Variants in LOC131768270 observed in about 807,000 individuals in gnomAD.
the LOC131768270 span, chr5:140,567,240 TC>T: frequency 6.2e-7 from 1 of 1,614,176 alleles, no homozygotes; most frequent in Non-Finnish European, 8.5e-7. Flanking sequence ...CTGATGCTAC[TC>T]CTATCCACTG....
the LOC131768270 span, chr5:140,567,437 G>A: frequency 1.3e-4 from 204 of 1,614,090 alleles, 4 homozygotes; most frequent in South Asian, 2.0e-3. Context: ...TGCTCCCTTC[G>A]CACTATCAGC....
chr5:140,568,888 T>C, the LOC131768270 span: 1 of 167,096 alleles, frequency 6.0e-6, no homozygotes, highest in Non-Finnish European at 1.5e-5. Context: ...CTACCCACTC[T>C]GAGGCTCCTA....
chr5:140,568,041 C>G, the LOC131768270 span: 4 of 1,614,026 alleles, frequency 2.5e-6, no homozygotes, highest in Non-Finnish European at 3.4e-6. Context: ...GTGGTCAACG[C>G]CGTGCTCTCA....
chr5:140,565,663 A>G, the LOC131768270 span: 12 of 360,940 alleles, frequency 3.3e-5, no homozygotes, highest in Non-Finnish European at 5.9e-5. Context: ...TTACTGGTTC[A>G]GATCCCATCT....
At chr5:140,568,381 A>G in the LOC131768270 span, 1 of 617,666 alleles carries the variant, frequency 1.6e-6, no homozygotes. Flanking sequence ...CCCACCCCCA[A>G]CCAAGTTCTT....
At chr5:140,568,156 T>G in the LOC131768270 span, 5 of 1,613,720 alleles carry the variant, frequency 3.1e-6, no homozygotes, top group Non-Finnish European at 4.2e-6. Context: ...CCCTGACAAC[T>G]TCCACCCTGA....
the LOC131768270 span, chr5:140,567,993 G>A: frequency 3.1e-6 from 5 of 1,614,020 alleles, no homozygotes; most frequent in South Asian, 5.5e-5. Context: ...AAGCATGGCA[G>A]CAGCATCACA....
At chr5:140,567,078 TCTC>T in the LOC131768270 span, 2 of 1,584,020 alleles carry the variant, frequency 1.3e-6, no homozygotes, top group African/African-American at 2.7e-5. Flanking sequence ...TTCCACGGCT[TCTC>T]CTTCCTGGGA....
chr5:140,569,019 A>G, the LOC131768270 span: 1 of 167,102 alleles, frequency 6.0e-6, no homozygotes, highest in Non-Finnish European at 1.5e-5. Flanking sequence ...CTGTAGCTCA[A>G]TCAGTGTCTC....
chr5:140,565,716 A>T, the LOC131768270 span: 8 of 390,910 alleles, frequency 2.0e-5, no homozygotes, highest in African/African-American at 1.4e-4. Context: ...GTGCTTTTCA[A>T]TGCTTGTCTT....
chr5:140,568,696 A>G, the LOC131768270 span: 1 of 176,700 alleles, frequency 5.7e-6, no homozygotes. Context: ...CTCCAGTTCC[A>G]GCAATGCCTA....
At chr5:140,566,551 A>AT in the LOC131768270 span, 1 of 412,578 alleles carries the variant, frequency 2.4e-6, no homozygotes, top group South Asian at 1.1e-4. Context: ...TTCCTTCTGC[A>AT]TTTTTCTCTG....
the LOC131768270 span, among the ~76,000 whole-genome samples, chr5:140,566,128 ATATCT>A: frequency 6.6e-6 from 1 of 152,190 alleles, no homozygotes; most frequent in African/African-American, 2.4e-5. Context: ...ACATGAACTA[ATATCT>A]TAAGTAGTGG....
At chr5:140,567,397 G>T in the LOC131768270 span, 1 of 1,614,152 alleles carries the variant, frequency 6.2e-7, no homozygotes, top group South Asian at 1.1e-5. Flanking sequence ...GGCAAGCATG[G>T]CCCCAGGGGC....
At chr5:140,566,288 G>A in the LOC131768270 span, among the ~76,000 whole-genome samples, 1 of 152,184 alleles carries the variant, frequency 6.6e-6, no homozygotes, top group Non-Finnish European at 1.5e-5. Flanking sequence ...TAGGAAATGA[G>A]GCTGGAGAAA....
the LOC131768270 span, chr5:140,567,498 T>C: frequency 6.2e-7 from 1 of 1,614,050 alleles, no homozygotes; most frequent in Non-Finnish European, 8.5e-7. Flanking sequence ...CAGCGTTACA[T>C]GGACCCCAGC....
At chr5:140,566,559 C>G in the LOC131768270 span, 1 of 421,586 alleles carries the variant, frequency 2.4e-6, no homozygotes, top group Non-Finnish European at 4.2e-6. Context: ...GCATTTTTCT[C>G]TGCAGGATGG....
chr5:140,568,005 G>A, the LOC131768270 span: 1 of 1,614,068 alleles, frequency 6.2e-7, no homozygotes, highest in Non-Finnish European at 8.5e-7. Context: ...AGCATCACAC[G>A]CCTCTTTGTG....
chr5:140,567,752 T>A, the LOC131768270 span: 2 of 1,614,154 alleles, frequency 1.2e-6, no homozygotes, highest in African/African-American at 2.7e-5. Flanking sequence ...CCTCATTCTG[T>A]ACTGCCTCAT....
Sources: allele counts gnomAD v4.1 joint callset (sites outside exome capture counted in the v4.1 genomes callset), GRCh38; gene constraint gnomAD v4.1.1; transcripts MANE v1.5.